The following SLC30A8 variants were observed in gnomAD, a reference collection of about 807,000 sequenced individuals.
SLC30A8 encodes the protein proton-coupled zinc antiporter SLC30A8.
A neutral mutation model predicts 36.9 loss-of-function variants in SLC30A8; 27 were observed. The ratio of observed to expected loss-of-function variants is 0.73; its 90% CI spans 0.54 to 1.01. The LOEUF is 1.01. Among genes scored for constraint, SLC30A8 ranks in the 50% least tolerant of loss-of-function variants. SLC30A8 has a pLI of 0.00. For synonymous variants in SLC30A8, 164 were observed against 172.4 expected (o/e 0.95, Z 0.38); for missense variants, 439 against 452.0 (o/e 0.97, Z 0.26).
intron 2 of SLC30A8, among the ~76,000 whole-genome samples, chr8:117,100,777 G>T (rs565172783): frequency 6.6e-6 from 1 of 152,158 alleles, no homozygotes; most frequent in Non-Finnish European, 1.5e-5. Context: ...GAAGAAACCT[G>T]TACTCATTTA....
intron 2 of SLC30A8, among the ~76,000 whole-genome samples, chr8:117,128,155 A>G (rs1186493681): frequency 6.6e-6 from 1 of 152,020 alleles, no homozygotes; most frequent in Non-Finnish European, 1.5e-5. Context: ...GTTTTCTCCC[A>G]ATGAAAAACC....
At chr8:116,973,804 G>A (rs1406564941) in intron 1 of SLC30A8, among the ~76,000 whole-genome samples, 1 of 152,184 alleles carries the variant, frequency 6.6e-6, no homozygotes, top group Non-Finnish European at 1.5e-5. Flanking sequence ...CAAGGCTACA[G>A]TAACCAAAAC....
At chr8:117,140,980 TAAG>T (rs1404843458) in intron 1 of SLC30A8, among the ~76,000 whole-genome samples, 1 of 152,046 alleles carries the variant, frequency 6.6e-6, no homozygotes, top group East Asian at 1.9e-4. Flanking sequence ...CATATGAACT[TAAG>T]AAGAAATAGA....
intron 2 of SLC30A8, among the ~76,000 whole-genome samples, chr8:117,104,838 G>A (rs1819906612): frequency 6.6e-6 from 1 of 152,154 alleles, no homozygotes; most frequent in East Asian, 1.9e-4. Flanking sequence ...CTCCTCATGA[G>A]TTTTCTGGGA....
chr8:116,985,652 C>T (rs945753453), intron 1 of SLC30A8, among the ~76,000 whole-genome samples: 2 of 149,850 alleles, frequency 1.3e-5, no homozygotes, highest in Non-Finnish European at 2.9e-5. Context: ...TCAACAAATT[C>T]TTCTTTAAAA....
intron 1 of SLC30A8, among the ~76,000 whole-genome samples, chr8:117,135,883 A>G (rs1043485121): frequency 4.6e-5 from 7 of 151,966 alleles, no homozygotes; most frequent in African/African-American, 1.7e-4. Flanking sequence ...ATGTTCTACA[A>G]AGTATTCCAT....
At chr8:117,044,496 C>T (rs917895515) in intron 2 of SLC30A8, among the ~76,000 whole-genome samples, 5 of 152,200 alleles carry the variant, frequency 3.3e-5, no homozygotes, top group African/African-American at 1.2e-4. Context: ...AATCAGCCAA[C>T]AACTGGGTTT....
rs370309015 is a variant in SLC30A8 at position 117,167,480 on chromosome 8, C to CATATATATATATATAT, written c.830-3541_830-3540insTATATATATATATATA. On this transcript the variant is annotated intron_variant, in intron 6 of 7. Transcript: ENST00000456015. ...CTTTCCAAAGATATTTGTGCATTTG[C>CATATATATATATATAT]ATATATATATATACATACATACATG... Among the ~76,000 whole-genome samples the CATATATATATATATAT allele has an allele frequency of 1.8e-3, 215 of 120,938 alleles. 1 individual carries two copies. The highest frequency in any genetic ancestry group is 3.1e-3 in the African/African-American group (114 of 36,200). The allele number at this position is 120,938 out of a possible 152,430, so 79.3% of individuals were successfully genotyped here.
At chr8:117,017,229 TTATTAA>T (rs1160005385) in intron 1 of SLC30A8, among the ~76,000 whole-genome samples, 2 of 152,182 alleles carry the variant, frequency 1.3e-5, no homozygotes, top group South Asian at 2.1e-4. Flanking sequence ...ATTGCTGCTG[TTATTAA>T]TATTATTATT....
At chr8:117,052,564 C>T (rs2130774546) in intron 2 of SLC30A8, among the ~76,000 whole-genome samples, 1 of 152,308 alleles carries the variant, frequency 6.6e-6, no homozygotes, top group Middle Eastern at 3.4e-3. Flanking sequence ...TTTTATCTTA[C>T]TCAGAACATA....
chr8:116,994,120 A>G lies in SLC30A8; in HGVS notation c.-266+43001A>G, dbSNP rs918685304. 2.0e-5 allele frequency among the ~76,000 whole-genome samples: 3 copies of G among 152,054 alleles called. No homozygotes were observed. The East Asian group carries it at 5.8e-4, about 29-fold the overall frequency. ...CACTGGTGAATTTTTCCAAAATTTT[A>G]AAGAAGAAATAAAACCACTTCACAG... is the stretch of plus-strand genomic sequence containing the variant. On this transcript the variant is annotated intron_variant, in intron 1 of 10. Transcript: ENST00000427715.
chr8:117,167,938 C>T (rs1287733089), intron 6 of SLC30A8, among the ~76,000 whole-genome samples: 3 of 152,070 alleles, frequency 2.0e-5, no homozygotes, highest in South Asian at 2.1e-4. Flanking sequence ...GAGGAGGCCT[C>T]ACAATCATGG....
At chr8:117,160,434 T>TGTGTGTGTGTGTGC (rs1333939658) in intron 4 of SLC30A8, among the ~76,000 whole-genome samples, 1 of 146,126 alleles carries the variant, frequency 6.8e-6, no homozygotes, top group Non-Finnish European at 1.5e-5. Context: ...TGTGTGTGTG[T>TGTGTGTGTGTGTGC]GCGCGCACAT....
At chr8:117,021,548 A>G (rs966466099) in intron 1 of SLC30A8, among the ~76,000 whole-genome samples, 2 of 152,222 alleles carry the variant, frequency 1.3e-5, no homozygotes, top group Non-Finnish European at 2.9e-5. Flanking sequence ...CCTATAATGT[A>G]AAGATGTCTT....
chr8:117,019,009 T>A (rs962480548), intron 1 of SLC30A8, among the ~76,000 whole-genome samples: 22 of 152,286 alleles, frequency 1.4e-4, no homozygotes, highest in South Asian at 2.1e-4. Context: ...TTTTAAAAAA[T>A]TTTTAACATG....
At chr8:117,137,691 T>C (rs879916024) in intron 1 of SLC30A8, among the ~76,000 whole-genome samples, 7 of 152,000 alleles carry the variant, frequency 4.6e-5, no homozygotes, top group Non-Finnish European at 1.0e-4. Flanking sequence ...CTGTATGATG[T>C]CTCACTTTAT....
At chr8:117,033,479 TGAG>T (rs1300561198) in intron 1 of SLC30A8, among the ~76,000 whole-genome samples, 3 of 152,110 alleles carry the variant, frequency 2.0e-5, no homozygotes, top group Admixed American at 2.0e-4. Flanking sequence ...TAACAGGAAA[TGAG>T]GAGCACTGAT....
chr8:116,965,132 T>G (rs185078484), intron 1 of SLC30A8, among the ~76,000 whole-genome samples: 91 of 152,328 alleles, frequency 6.0e-4, no homozygotes, highest in African/African-American at 2.1e-3. Context: ...GAGATGGGGT[T>G]TCACCATATT....
intron 1 of SLC30A8, among the ~76,000 whole-genome samples, chr8:116,983,790 A>G (rs957628747): frequency 5.3e-5 from 8 of 152,130 alleles, no homozygotes; most frequent in African/African-American, 1.9e-4. Context: ...ACTACAGTAC[A>G]ATATCAAAAC....
Sources: gnomAD v4.1 joint callset for allele counts (sites outside exome capture counted in the v4.1 genomes callset) on GRCh38, gnomAD v4.1.1 for gene constraint, MANE v1.5 for transcripts, NCBI Gene and HGNC (gene_info 2026-07-23, HGNC 2026-07-21) for gene names.